USP43: variants seen among roughly 807,000 people sequenced by gnomAD.
USP43 encodes the protein ubiquitin specific peptidase 43.
A neutral mutation model predicts 90.7 loss-of-function variants in USP43; 33 were observed. The ratio of observed to expected loss-of-function variants is 0.36; its 90% confidence interval spans 0.28 to 0.49. USP43 has a LOEUF of 0.49. Among genes scored for constraint, USP43 ranks in the 20% least tolerant of loss-of-function variants. USP43 has a pLI of 0.98. For missense variants in USP43, 1,274 were observed against 1,476.4 expected, an observed-to-expected ratio of 0.86 and a Z score of 2.25; for synonymous variants, 598 against 615.8, an observed-to-expected ratio of 0.97 and a Z score of 0.43.
chr17:9,694,843 C>T (rs1408511611), intron 9 of USP43, among the ~76,000 whole-genome samples: 4 of 152,076 alleles, frequency 2.6e-5, no homozygotes, highest in African/African-American at 4.8e-5. Flanking sequence ...AGGCTGGTCT[C>T]GAACTCCTGA....
At chr17:9,712,369 T>C (rs1229975352) in intron 14 of USP43, among the ~76,000 whole-genome samples, 1 of 152,034 alleles carries the variant, frequency 6.6e-6, no homozygotes, top group Non-Finnish European at 1.5e-5. Context: ...CTTATTGTCA[T>C]AAGCAAGTAA....
chr17:9,707,121 A>T (rs1281276622), intron 12 of USP43, among the ~76,000 whole-genome samples: 1 of 152,178 alleles, frequency 6.6e-6, no homozygotes, highest in Non-Finnish European at 1.5e-5. Context: ...AACTTAAAAG[A>T]TGTTAAATGA....
intron 3 of USP43, among the ~76,000 whole-genome samples, chr17:9,670,319 G>A (rs1203101275): frequency 9.2e-5 from 14 of 152,278 alleles, no homozygotes; most frequent in African/African-American, 2.4e-4. Context: ...GATTACAGGC[G>A]TGAGCCACTG....
intron 2 of USP43, among the ~76,000 whole-genome samples, chr17:9,664,625 G>A (rs905361224): frequency 5.3e-5 from 8 of 151,548 alleles, no homozygotes; most frequent in Non-Finnish European, 1.0e-4. Flanking sequence ...TTTATGTGGG[G>A]CCTTGCATAG....
intron 14 of USP43, among the ~76,000 whole-genome samples, chr17:9,717,508 G>T (rs769810658): frequency 1.3e-5 from 2 of 152,094 alleles, no homozygotes; most frequent in Non-Finnish European, 2.9e-5. Context: ...TTGCTATAAT[G>T]TTGATGAGAA....
At chr17:9,679,542 T>TA (rs1478457337) in intron 5 of USP43, among the ~76,000 whole-genome samples, 4 of 123,482 alleles carry the variant, frequency 3.2e-5, no homozygotes, top group South Asian at 6.3e-4. Flanking sequence ...TTTTTTTTTT[T>TA]AATGACGGAG....
At position 9,674,799 on chromosome 17, in the gene USP43, G is replaced by A; in HGVS notation, c.741-92G>A. The A allele has an allele frequency of 9.8e-7, 1 of 1,019,152 alleles. No homozygotes were observed. Among genetic ancestry groups the A allele is most frequent in the South Asian group, 1.4e-5 (1 of 72,980 alleles). 63.1% of individuals were successfully genotyped at this position (1,019,152 alleles called of 1,614,324 possible). A position where few individuals can be genotyped will look rare whatever the true frequency, so the allele number is the denominator to read the frequency against. ...ATGTACCTACGAGTGGAATCACAGG[G>A]AGTGGAAATGCAAGGATAATTCTGT... On this transcript the variant is annotated intron_variant, in intron 3 of 14. Coordinates refer to ENST00000285199, the MANE Select transcript of USP43 (RefSeq NM_153210.5). This position sits in a 1 kb window ranked among gnomAD's most constrained non-coding sequence, Gnocchi z 4.4.
At chr17:9,664,804 A>T (rs1462224053) in intron 2 of USP43, among the ~76,000 whole-genome samples, 1 of 151,880 alleles carries the variant, frequency 6.6e-6, no homozygotes, top group Non-Finnish European at 1.5e-5. Context: ...CGCCCAGCTA[A>T]TTTTTTATAT....
At chr17:9,651,558 G>A (rs865887916) in intron 1 of USP43, among the ~76,000 whole-genome samples, 1 of 152,146 alleles carries the variant, frequency 6.6e-6, no homozygotes, top group Non-Finnish European at 1.5e-5. Context: ...TCTCAAAACT[G>A]TCTCCTTCTC....
At chr17:9,652,059 GGT>G (rs1219806733) in intron 1 of USP43, among the ~76,000 whole-genome samples, 2 of 151,820 alleles carry the variant, frequency 1.3e-5, no homozygotes, top group African/African-American at 4.8e-5. Context: ...CATACATACA[GGT>G]AGAGTTATGC....
intron 7 of USP43, 107 bp downstream of exon 7, chr17:9,683,065 C>T (rs1347817955): frequency 1.4e-5 from 20 of 1,425,296 alleles, no homozygotes; most frequent in Non-Finnish European, 1.7e-5. Flanking sequence ...GGTTAATAAA[C>T]TAGGAGCCAG....
At position 9,713,378 on chromosome 17, in the gene USP43, C is replaced by T. The variant is rs184038437; in HGVS notation, c.2335+1246C>T. Among the ~76,000 whole-genome samples, 481 of 152,210 alleles carry T rather than the reference C, an allele frequency of 3.2e-3. 2 individuals carry two copies. Among genetic ancestry groups the T allele is most frequent in the Non-Finnish European group, 3.5e-3 (238 of 68,010 alleles). On this transcript the variant is annotated intron_variant, in intron 14 of 14. Coordinates refer to ENST00000285199, the MANE Select transcript of USP43 (RefSeq NM_153210.5). ...TGCTGGGATTACAGGGATGAGCCAC[C>T]GCACCTGGCCTATTTGTACCTATCA...
In USP43 at chr17:9,729,109, AATT is replaced by A; in HGVS notation, c.*120_*122del. On this transcript the variant is annotated 3_prime_UTR_variant, in exon 15 of 15. Coordinates refer to ENST00000285199, the MANE Select transcript of USP43 (RefSeq NM_153210.5). ...CGTTGTCTTGTAATCTCTAAAAAAA[AATT>A]TTTTTTTTTTTGTGGTGGGGGGTCT... The A allele has an allele frequency of 8.7e-7, 1 of 1,152,864 alleles. No homozygotes were observed. The highest frequency in any genetic ancestry group is 1.1e-6 in the Non-Finnish European group (1 of 872,394). The allele number at this position is 1,152,864 out of a possible 1,614,324, so 71.4% of individuals were successfully genotyped here.
intron 12 of USP43, among the ~76,000 whole-genome samples, chr17:9,705,159 C>T (rs1320534629): frequency 6.6e-6 from 1 of 151,996 alleles, no homozygotes; most frequent in African/African-American, 2.4e-5. Context: ...TACTATTCTT[C>T]CACAATTTCT....
chr17:9,729,518 G>A lies in USP43; in HGVS notation c.*528G>A, dbSNP rs1917479879. Reference sequence around the variant, plus strand: ...GTAAGGCAAGATTCTAGCAAAGAGAGATGGGAGATAAATGGCTGAGAGTTC... The same window carrying A: ...GTAAGGCAAGATTCTAGCAAAGAGAAATGGGAGATAAATGGCTGAGAGTTC... On this transcript the variant is annotated 3_prime_UTR_variant, in exon 15 of 15. Coordinates refer to ENST00000285199, the MANE Select transcript of USP43 (RefSeq NM_153210.5). The A allele has an allele frequency of 6.6e-6, 1 of 151,346 alleles. No homozygotes were observed. The highest frequency in any genetic ancestry group is 2.1e-4 in the South Asian group (1 of 4,816). 9.4% of individuals were successfully genotyped at this position (151,346 alleles called of 1,614,324 possible). A position where few individuals can be genotyped will look rare whatever the true frequency, so the allele number is the denominator to read the frequency against.
intron 6 of USP43, among the ~76,000 whole-genome samples, chr17:9,681,759 C>A (rs949338427): frequency 6.6e-6 from 1 of 151,738 alleles, no homozygotes; most frequent in Admixed American, 6.6e-5. Flanking sequence ...CTCCGAAAGT[C>A]CTGGGATTAC....
chr17:9,668,499 A>T (rs1913188518), intron 3 of USP43, among the ~76,000 whole-genome samples: 1 of 152,244 alleles, frequency 6.6e-6, no homozygotes, highest in East Asian at 1.9e-4. Context: ...AAGACCAAAT[A>T]GTCTTTGAAA....
intron 3 of USP43, among the ~76,000 whole-genome samples, chr17:9,667,192 C>G (rs1266625481): frequency 6.6e-6 from 1 of 151,914 alleles, no homozygotes; most frequent in Non-Finnish European, 1.5e-5. Flanking sequence ...GAGACCCCAT[C>G]TGTACCAAAA....
intron 1 of USP43, among the ~76,000 whole-genome samples, chr17:9,647,855 A>C (rs1416548951): frequency 3.4e-4 from 51 of 150,414 alleles, no homozygotes; most frequent in South Asian, 1.0e-3. Context: ...ATCCAAAAAA[A>C]AAAAAAAAAA....
Sources: gnomAD v4.1 joint callset for allele counts (sites outside exome capture counted in the v4.1 genomes callset) on GRCh38, gnomAD v4.1.1 for gene constraint, Gnocchi (gnomAD v3.1) non-coding constraint, MANE v1.5 for transcripts, NCBI Gene and HGNC (gene_info 2026-07-23, HGNC 2026-07-21) for gene names.